Variants in WDTC1 observed in about 807,000 individuals in gnomAD.
WDTC1 encodes WD and tetratricopeptide repeats protein 1.
In WDTC1, 12 loss-of-function variants were observed where a neutral mutation model predicts 76.0. The ratio of observed to expected loss-of-function variants is 0.16; its 90% CI spans 0.10 to 0.26. WDTC1 has a LOEUF of 0.26. WDTC1 is among the 10% of genes least tolerant of loss of function. WDTC1 has a pLI of 1.00. For synonymous variants in WDTC1, 326 were observed against 350.8 expected, an observed-to-expected ratio of 0.93 and a Z score of 0.79; for missense variants, 511 against 908.8, an observed-to-expected ratio of 0.56 and a Z score of 5.63.
intron 1 of WDTC1, among the ~76,000 whole-genome samples, chr1:27,236,578 A>G (rs2011494476): frequency 6.6e-6 from 1 of 152,152 alleles, no homozygotes. Flanking sequence ...TGTAAATATT[A>G]TGATGATGAT....
chr1:27,294,424 G>T (rs1002637949), intron 8 of WDTC1, 90 bp from the exon 9 acceptor site: 1 of 1,161,590 alleles, frequency 8.6e-7, no homozygotes, highest in Non-Finnish European at 1.3e-6. Context: ...AAAGTTGATT[G>T]GTATAATTTT....
intron 5 of WDTC1, among the ~76,000 whole-genome samples, chr1:27,286,972 G>A (rs2013357929): frequency 6.6e-6 from 1 of 151,702 alleles, no homozygotes; most frequent in African/African-American, 2.4e-5. Flanking sequence ...AGACCAGCCT[G>A]GCCAACATGG....
In WDTC1 at chr1:27,234,842, C is replaced by T; in HGVS notation, c.-209C>T. On this transcript the variant is annotated 5_prime_UTR_variant, in exon 1 of 16. Coordinates refer to ENST00000319394, the MANE Select transcript of WDTC1 (RefSeq NM_001276252.2). ...GGCTAGAACTGCTCGAGCCCCCCAG[C>T]CCCCTCCCCGGGATCCGCGCCCCCC... 1 of 396,896 alleles carries T rather than the reference C, an allele frequency of 2.5e-6. No individual in the cohort carries two copies. 24.6% of individuals were successfully genotyped at this position (396,896 alleles called of 1,614,324 possible).
intron 1 of WDTC1, among the ~76,000 whole-genome samples, chr1:27,236,436 A>C (rs2011491218): frequency 1.3e-5 from 2 of 152,134 alleles, no homozygotes; most frequent in African/African-American, 4.8e-5. Context: ...ATATGGGAGC[A>C]CTTCTGTTCG....
intron 6 of WDTC1, among the ~76,000 whole-genome samples, chr1:27,289,495 TC>T (rs1446183850): frequency 7.3e-6 from 1 of 137,046 alleles, no homozygotes; most frequent in East Asian, 2.2e-4. Flanking sequence ...CTCCTCACTT[TC>T]CAGACTGGGC....
At chr1:27,269,208 G>T (rs1238184019) in intron 3 of WDTC1, among the ~76,000 whole-genome samples, 1 of 146,972 alleles carries the variant, frequency 6.8e-6, no homozygotes, top group Non-Finnish European at 1.5e-5. Context: ...AGGTGTGGAG[G>T]CACATGCCTA....
At chr1:27,250,349 C>T (rs749587639) in intron 1 of WDTC1, among the ~76,000 whole-genome samples, 7 of 151,982 alleles carry the variant, frequency 4.6e-5, no homozygotes, top group African/African-American at 1.2e-4. Flanking sequence ...GGGGTTTTGC[C>T]ATGTTGACCA....
intron 3 of WDTC1, 50 bp from the exon 4 acceptor site, chr1:27,282,189 A>G: frequency 6.3e-7 from 1 of 1,586,916 alleles, no homozygotes; most frequent in Non-Finnish European, 8.6e-7. Flanking sequence ...TGAGTTCCCC[A>G]GGAGAACCCC....
rs894507111 is a variant in WDTC1, at chr1:27,306,114, C to A, written c.1837-72C>A. The A allele has an allele frequency of 1.3e-6, 2 of 1,555,468 alleles. No homozygotes were observed. The highest frequency in any genetic ancestry group is 1.8e-6 in the Non-Finnish European group (2 of 1,131,766). On this transcript the variant is annotated intron_variant, in intron 15 of 15. Coordinates refer to ENST00000319394, the MANE Select transcript of WDTC1 (RefSeq NM_001276252.2). The surrounding 1 kb of genome is among the most constrained non-coding windows in gnomAD (Gnocchi z 5.0). The stretch of plus-strand genomic sequence containing the variant: ...GTTTAGTCTGTGTATTTCCCTCCCC[C>A]TCCCCTATACGTGTACCCTGGTGCC...
intron 1 of WDTC1, among the ~76,000 whole-genome samples, chr1:27,239,641 C>G (rs1001642445): frequency 6.0e-5 from 9 of 150,562 alleles, no homozygotes; most frequent in African/African-American, 2.2e-4. Context: ...CATGGCAAAC[C>G]TGTCTCTACT....
rs891009695 is a variant in WDTC1, at chr1:27,281,439, CAAAAAAAAAA to C, written c.133-789_133-780del. On this transcript the variant is annotated intron_variant, in intron 3 of 15. Transcript: ENST00000319394. The stretch of plus-strand genomic sequence containing the variant: ...ACTGCACTCCAGCCTGACTCTGTCT[CAAAAAAAAAA>C]AAAAAAAAAATGCTGGGTGAATAAA... 2.4e-4 allele frequency among the ~76,000 whole-genome samples: 15 copies of C among 61,280 alleles called. No individual in the cohort carries two copies. In the South Asian group the frequency reaches 7.8e-3, roughly 32 times the overall value. 40.2% of individuals were successfully genotyped at this position (61,280 alleles called of 152,430 possible). A position where few individuals can be genotyped will look rare whatever the true frequency, so the allele number is the denominator to read the frequency against.
chr1:27,283,558 G>A, intron 5 of WDTC1, 109 bp downstream of exon 5: 1 of 847,136 alleles, frequency 1.2e-6, no homozygotes, highest in South Asian at 1.6e-5. Context: ...ACCGTCTAGG[G>A]TCACAGACAA....
intron 1 of WDTC1, among the ~76,000 whole-genome samples, chr1:27,245,643 C>G (rs2011803764): frequency 6.6e-6 from 1 of 150,790 alleles, no homozygotes; most frequent in African/African-American, 2.5e-5. Flanking sequence ...AATCTCGGCT[C>G]ACTGCAACCT....
At chr1:27,254,697 A>G (rs982545799) in intron 1 of WDTC1, among the ~76,000 whole-genome samples, 1 of 152,130 alleles carries the variant, frequency 6.6e-6, no homozygotes. Flanking sequence ...CAGTGGCGCA[A>G]TCTCGGCTCA....
intron 1 of WDTC1, among the ~76,000 whole-genome samples, chr1:27,245,011 C>A (rs1035660200): frequency 1.3e-5 from 2 of 151,720 alleles, no homozygotes; most frequent in African/African-American, 2.4e-5. Flanking sequence ...GCAGAATAGA[C>A]TGAGAGAGCA....
chr1:27,290,891 G>A (rs995549376), intron 6 of WDTC1, among the ~76,000 whole-genome samples: 2 of 152,172 alleles, frequency 1.3e-5, no homozygotes, highest in Admixed American at 6.5e-5. Context: ...CCTAGCAATC[G>A]CACTCAGTAT....
At chr1:27,258,086 C>G (rs988733298) in intron 1 of WDTC1, among the ~76,000 whole-genome samples, 1 of 150,800 alleles carries the variant, frequency 6.6e-6, no homozygotes, top group Non-Finnish European at 1.5e-5. Context: ...CTGCGCCTGG[C>G]GGTTCTTGTC....
chr1:27,257,499 TTAC>T (rs747791487), intron 1 of WDTC1, among the ~76,000 whole-genome samples: 2 of 152,154 alleles, frequency 1.3e-5, no homozygotes, highest in African/African-American at 2.4e-5. Context: ...TGTGGGGAAA[TTAC>T]TGTTGTTGTT....
At chr1:27,260,542 G>A (rs886400941) in intron 1 of WDTC1, among the ~76,000 whole-genome samples, 3 of 152,254 alleles carry the variant, frequency 2.0e-5, no homozygotes, top group East Asian at 1.9e-4. Flanking sequence ...ATTTGGTTTC[G>A]GGGAGAGCCA....
Sources: allele counts gnomAD v4.1 joint callset (sites outside exome capture counted in the v4.1 genomes callset), GRCh38; gene constraint gnomAD v4.1.1; non-coding constraint Gnocchi (gnomAD v3.1); transcripts MANE v1.5; gene names NCBI Gene and HGNC (gene_info 2026-07-23, HGNC 2026-07-21).